The following YEATS4 variants were observed in gnomAD, a reference collection of about 807,000 sequenced individuals.
YEATS4 encodes YEATS domain-containing protein 4.
Under a neutral mutation model 30.1 loss-of-function variants are expected in YEATS4, and 17 were observed. The observed-to-expected ratio is 0.56, with a 90% CI of 0.39 to 0.85. The LOEUF is 0.85. Ranked by LOEUF, YEATS4 falls within the 40% of genes least tolerant of loss-of-function variation. The pLI is 0.00. For synonymous variants in YEATS4, 85 were observed against 87.5 expected (o/e 0.97, Z 0.16); for missense variants, 142 against 268.3 (o/e 0.53, Z 3.29).
Position 69,359,978 on chromosome 12 carries a change from C to G in YEATS4, c.6C>G (p.Phe2Leu), listed in dbSNP as rs1362119645. 7 of 1,613,380 alleles carry G rather than the reference C, an allele frequency of 4.3e-6. No individual in the cohort carries two copies. Among genetic ancestry groups the G allele is most frequent in the Admixed American group, 1.7e-5 (1 of 59,950 alleles). ...GGCTTCTTCCGTGGGACAATATGTT[C>G]AAGAGAATGGCCGAATTTGGGCCTG... M[F>L]KRMAEFGPDS... is the part of the protein sequence containing the mutation. The change falls in exon 1 of 7, where the codon TTC becomes TTG. Residue 2 changes from phenylalanine to leucine, a missense_variant. Around this residue, in one of 3 missense-constraint regions of YEATS4, gnomAD observed 25 missense variants for 35.7 expected, o/e 0.70. Coordinates refer to ENST00000247843, the MANE Select transcript of YEATS4 (RefSeq NM_006530.4).
At chr12:69,380,021 G>C (rs1374096513) in intron 6 of YEATS4, among the ~76,000 whole-genome samples, 1 of 152,054 alleles carries the variant, frequency 6.6e-6, no homozygotes, top group African/African-American at 2.4e-5. Flanking sequence ...AATTTCTTTT[G>C]AGTTTCCTCA....
chr12:69,414,303 C>T, the YEATS4 span, among the ~76,000 whole-genome samples: 4 of 151,854 alleles, frequency 2.6e-5, no homozygotes, highest in Non-Finnish European at 5.9e-5. Flanking sequence ...CAATATAGTT[C>T]ACTGCAGCCT....
intron 6 of YEATS4, among the ~76,000 whole-genome samples, chr12:69,388,306 A>G (rs901006826): frequency 6.6e-6 from 1 of 152,198 alleles, no homozygotes; most frequent in African/African-American, 2.4e-5. Flanking sequence ...ACATATAATT[A>G]CTTCATGTAA....
chr12:69,385,675 A>C (rs183019446), intron 6 of YEATS4, among the ~76,000 whole-genome samples: 2 of 152,184 alleles, frequency 1.3e-5, no homozygotes, highest in African/African-American at 4.8e-5. Context: ...TTTTATAGAG[A>C]GAATATTTAT....
At chr12:69,377,915 A>G (rs1002894598) in intron 6 of YEATS4, among the ~76,000 whole-genome samples, 5 of 152,146 alleles carry the variant, frequency 3.3e-5, no homozygotes, top group Admixed American at 1.3e-4. Context: ...TTCTGTCTGG[A>G]TGATCTGTTC....
the YEATS4 span, among the ~76,000 whole-genome samples, chr12:69,420,761 C>G: frequency 5.4e-5 from 8 of 148,060 alleles, no homozygotes; most frequent in East Asian, 1.4e-3. Flanking sequence ...AAAAAACACA[C>G]TGGGGGAGAA....
the YEATS4 span, among the ~76,000 whole-genome samples, chr12:69,412,852 A>G: frequency 3.9e-5 from 6 of 152,034 alleles, no homozygotes; most frequent in African/African-American, 1.4e-4. Flanking sequence ...CAGGAGGGCC[A>G]CCTGGAGGAG....
chr12:69,420,405 TA>T, the YEATS4 span, among the ~76,000 whole-genome samples: 7,461 of 149,982 alleles, frequency 0.05, 207 homozygotes, highest in East Asian at 0.09. Context: ...CTGGTTTGGT[TA>T]GGGGGAGGGG....
intron 6 of YEATS4, among the ~76,000 whole-genome samples, chr12:69,388,800 T>G (rs1383800113): frequency 6.6e-6 from 1 of 152,156 alleles, no homozygotes; most frequent in African/African-American, 2.4e-5. Flanking sequence ...ATTAATTCAT[T>G]AAGTCTTCTC....
the YEATS4 span, among the ~76,000 whole-genome samples, chr12:69,419,279 G>T: frequency 6.8e-6 from 1 of 147,794 alleles, no homozygotes; most frequent in Non-Finnish European, 1.5e-5. Context: ...GGAGTGCAGT[G>T]GTGCGATCAT....
chr12:69,417,284 C>A, the YEATS4 span, among the ~76,000 whole-genome samples: 364 of 149,360 alleles, frequency 2.4e-3, 2 homozygotes, highest in Middle Eastern at 0.01. Flanking sequence ...CAGCCTCCCA[C>A]GTTGCTTGGA....
At chr12:69,377,614 T>C (rs1353862405) in intron 6 of YEATS4, among the ~76,000 whole-genome samples, 1 of 152,218 alleles carries the variant, frequency 6.6e-6, no homozygotes, top group Non-Finnish European at 1.5e-5. Context: ...CAGAAGCATA[T>C]TGTTTAAATT....
chr12:69,360,432 C>G (rs1168576058), intron 1 of YEATS4, among the ~76,000 whole-genome samples: 1 of 152,182 alleles, frequency 6.6e-6, no homozygotes, highest in African/African-American at 2.4e-5. Context: ...GAGCGCTTAC[C>G]CGCAGTATTT....
intron 2 of YEATS4, chr12:69,364,319 C>A: frequency 1.6e-5 from 4 of 248,158 alleles, no homozygotes; most frequent in Non-Finnish European, 3.3e-5. Flanking sequence ...TAGTAAGATT[C>A]CAGTTTATTT....
chr12:69,383,773 GATAA>G (rs1179971251), intron 6 of YEATS4, among the ~76,000 whole-genome samples: 1 of 152,184 alleles, frequency 6.6e-6, no homozygotes, highest in Non-Finnish European at 1.5e-5. Context: ...CATCAGATAA[GATAA>G]ATTGGAGACA....
At chr12:69,360,873 T>C (rs1875174347) in intron 1 of YEATS4, among the ~76,000 whole-genome samples, 1 of 151,908 alleles carries the variant, frequency 6.6e-6, no homozygotes. Context: ...ATAGTTGTTT[T>C]TATCAGGAGC....
chr12:69,413,353 G>GAAAAAAAAAAAAAAAAAAAAAAAAAAAA, the YEATS4 span, among the ~76,000 whole-genome samples: 1 of 110,632 alleles, frequency 9.0e-6, no homozygotes, highest in Non-Finnish European at 1.8e-5. Flanking sequence ...GTCTCTAAAT[G>GAAAAAAAAAAAAAAAAAAAAAAAAAAAA]AAAAAAAAAA....
the YEATS4 span, among the ~76,000 whole-genome samples, chr12:69,417,856 GA>G: frequency 0.41 from 42,213 of 101,824 alleles, 6,671 homozygotes; most frequent in Admixed American, 0.46. Flanking sequence ...TTACAATAGG[GA>G]AAAAAAAAAA....
At chr12:69,374,556 G>T (rs1297148005) in intron 6 of YEATS4, among the ~76,000 whole-genome samples, 1 of 152,140 alleles carries the variant, frequency 6.6e-6, no homozygotes, top group Admixed American at 6.5e-5. Flanking sequence ...GGGCCCTGCT[G>T]CCTTCCCGCA....
Sources: allele counts gnomAD v4.1 joint callset (sites outside exome capture counted in the v4.1 genomes callset), GRCh38; gene constraint gnomAD v4.1.1; regional missense constraint gnomAD v4.1.1; transcripts MANE v1.5; gene names NCBI Gene and HGNC (gene_info 2026-07-23, HGNC 2026-07-21).